The following R3HCC1L variants were observed in gnomAD, a reference collection of about 807,000 sequenced individuals.
The protein encoded by R3HCC1L is coiled-coil domain-containing protein R3HCC1L.
R3HCC1L carries 51 observed loss-of-function variants against 59.9 expected under a neutral mutation model. The observed-to-expected ratio is 0.85, with a 90% CI of 0.68 to 1.07. The LOEUF is 1.07. Among genes scored for constraint, R3HCC1L ranks in the 50% least tolerant of loss-of-function variants. The pLI, the probability that R3HCC1L is intolerant of heterozygous loss-of-function variation, is 0.00. For missense variants in R3HCC1L, 965 were observed against 933.0 expected (o/e 1.03, Z -0.45); for synonymous variants, 322 against 315.2 (o/e 1.02, Z -0.23).
At chr10:98,236,226 T>A (rs1012723147) in intron 9 of R3HCC1L, 62 bp downstream of exon 9, 105 of 1,545,570 alleles carry the variant, frequency 6.8e-5, no homozygotes, top group Non-Finnish European at 8.8e-5. Context: ...GGCATGTGTT[T>A]AAAAAAAAAT....
intron 5 of R3HCC1L, among the ~76,000 whole-genome samples, chr10:98,214,855 G>A (rs1041641395): frequency 6.6e-6 from 1 of 152,190 alleles, no homozygotes; most frequent in Non-Finnish European, 1.5e-5. Flanking sequence ...CTGAAAATAA[G>A]TCTCATTAGT....
chr10:98,160,251 G>T (rs150913016), intron 2 of R3HCC1L, among the ~76,000 whole-genome samples: 304 of 152,314 alleles, frequency 2.0e-3, no homozygotes, highest in Non-Finnish European at 3.7e-3. Flanking sequence ...CTAAGGGCAG[G>T]TAGTCTAAAT....
At position 98,209,878 on chromosome 10, in the gene R3HCC1L, G is replaced by A; in HGVS notation, c.1764G>A (p.Leu588=). 6.2e-7 allele frequency: 1 copy of A among 1,611,846 alleles called. No homozygotes were observed. The highest frequency in any genetic ancestry group is 1.3e-5 in the African/African-American group (1 of 74,948). Residue 588 remains leucine, a synonymous_variant, in exon 5 of 10, where the codon CTG becomes CTA. Coordinates refer to ENST00000298999, the MANE Select transcript of R3HCC1L (RefSeq NM_001351015.2). ...TGTTTAACGATGATGGTGACTGCCT[G>A]GATCCACGTCTTCTACAAGAGGTAT... The part of the protein sequence containing the change: ...ESMFNDDGDC[L]DPRLLQELSG...
intron 4 of R3HCC1L, among the ~76,000 whole-genome samples, chr10:98,183,109 C>T (rs996253161): frequency 5.3e-5 from 8 of 152,128 alleles, no homozygotes; most frequent in Non-Finnish European, 8.8e-5. Flanking sequence ...AGAAATTACC[C>T]GTTTTCTGTG....
At chr10:98,242,417 C>A (rs989744768) in intron 9 of R3HCC1L, among the ~76,000 whole-genome samples, 1 of 152,138 alleles carries the variant, frequency 6.6e-6, no homozygotes. Context: ...TGTCTTATAA[C>A]GCCAAAATCA....
intron 1 of R3HCC1L, among the ~76,000 whole-genome samples, chr10:98,146,219 A>G (rs1474165554): frequency 1.3e-5 from 2 of 152,332 alleles, no homozygotes; most frequent in Admixed American, 1.3e-4. Context: ...TGCATACTAT[A>G]CAATTCACCC....
chr10:98,164,171 T>G (rs1847717227), intron 4 of R3HCC1L, among the ~76,000 whole-genome samples: 2 of 152,192 alleles, frequency 1.3e-5, no homozygotes, highest in Non-Finnish European at 2.9e-5. Context: ...TGACGCACAT[T>G]GCAAAAATTG....
chr10:98,203,525 C>G (rs1169013577), intron 4 of R3HCC1L, among the ~76,000 whole-genome samples: 4 of 152,196 alleles, frequency 2.6e-5, no homozygotes, highest in African/African-American at 9.7e-5. Flanking sequence ...GGCAGTTTCT[C>G]TCAAATATCA....
intron 9 of R3HCC1L, among the ~76,000 whole-genome samples, chr10:98,241,505 C>G (rs1266419434): frequency 6.6e-6 from 1 of 152,080 alleles, no homozygotes; most frequent in African/African-American, 2.4e-5. Context: ...TGTTTTAGGT[C>G]AATCATTTTG....
At chr10:98,141,521 A>G (rs927688228) in intron 1 of R3HCC1L, among the ~76,000 whole-genome samples, 1 of 152,200 alleles carries the variant, frequency 6.6e-6, no homozygotes, top group Non-Finnish European at 1.5e-5. Context: ...ATAATGGTGT[A>G]AAACAACCAT....
intron 1 of R3HCC1L, among the ~76,000 whole-genome samples, chr10:98,150,905 A>G (rs547107073): frequency 7.9e-5 from 12 of 152,298 alleles, no homozygotes; most frequent in African/African-American, 2.9e-4. Flanking sequence ...GTCTCCTGCC[A>G]GAGATCCTAC....
At chr10:98,199,307 CTCA>C (rs1392555449) in intron 4 of R3HCC1L, among the ~76,000 whole-genome samples, 4 of 152,060 alleles carry the variant, frequency 2.6e-5, no homozygotes, top group African/African-American at 9.7e-5. Context: ...CTTTTGTCCT[CTCA>C]TCATTTTCTT....
rs967602094 is a variant in R3HCC1L at position 98,218,639 on chromosome 10, T to C, written c.1785+8740T>C. On this transcript the variant is annotated intron_variant, in intron 5 of 9. Transcript: ENST00000298999. ...CTTCATTAGGTTGTGCTGATGAGAATGTATCCTGCAGTTGTTGGGTAAAGT... is the reference window on the plus strand; with the variant it reads ...CTTCATTAGGTTGTGCTGATGAGAACGTATCCTGCAGTTGTTGGGTAAAGT... Among the ~76,000 whole-genome samples the C allele has an allele frequency of 2.0e-5, 3 of 152,216 alleles. 1 individual carries two copies. The highest frequency in any genetic ancestry group is 2.0e-4 in the Admixed American group (3 of 15,278).
At chr10:98,240,366 T>C (rs1252911116) in intron 9 of R3HCC1L, among the ~76,000 whole-genome samples, 1 of 152,186 alleles carries the variant, frequency 6.6e-6, no homozygotes, top group East Asian at 1.9e-4. Flanking sequence ...TTTCCCATGT[T>C]CCACTCATCC....
chr10:98,236,708 A>G (rs1590842247), intron 9 of R3HCC1L, among the ~76,000 whole-genome samples: 2 of 152,272 alleles, frequency 1.3e-5, no homozygotes, highest in South Asian at 4.1e-4. Flanking sequence ...ATTTTCCAGT[A>G]TCCAAGAGTT....
At chr10:98,179,595 A>T (rs1235807276) in intron 4 of R3HCC1L, among the ~76,000 whole-genome samples, 2 of 152,032 alleles carry the variant, frequency 1.3e-5, no homozygotes, top group African/African-American at 4.8e-5. Flanking sequence ...GTTAGGGAGG[A>T]TTCCCTCTTT....
intron 4 of R3HCC1L, among the ~76,000 whole-genome samples, chr10:98,199,304 CCT>C (rs1325401365): frequency 6.6e-6 from 1 of 151,988 alleles, no homozygotes; most frequent in Non-Finnish European, 1.5e-5. Flanking sequence ...TTTCTTTTGT[CCT>C]CTCATCATTT....
At chr10:98,143,855 G>A (rs1383885418) in intron 1 of R3HCC1L, among the ~76,000 whole-genome samples, 1 of 152,070 alleles carries the variant, frequency 6.6e-6, no homozygotes, top group Non-Finnish European at 1.5e-5. Flanking sequence ...CATTATAGAG[G>A]ATTTGGAAAA....
chr10:98,207,933 A>T (rs951473603), intron 4 of R3HCC1L, among the ~76,000 whole-genome samples, 168 bp from the exon 5 acceptor site: 1 of 152,198 alleles, frequency 6.6e-6, no homozygotes, highest in African/African-American at 2.4e-5. Context: ...CAGAGGTGGA[A>T]GGATCGCTTG....
Sources: allele counts gnomAD v4.1 joint callset (sites outside exome capture counted in the v4.1 genomes callset), GRCh38; gene constraint gnomAD v4.1.1; transcripts MANE v1.5; gene names NCBI Gene and HGNC (gene_info 2026-07-23, HGNC 2026-07-21).